The following CSTPP1 variants were observed in gnomAD, a reference collection of about 807,000 sequenced individuals.
CSTPP1 encodes centriolar satellite-associated tubulin polyglutamylase complex regulator 1.
At chr11:47,025,981 TAGAG>T in the CSTPP1 span, among the ~76,000 whole-genome samples, 3 of 151,934 alleles carry the variant, frequency 2.0e-5, no homozygotes, top group African/African-American at 4.8e-5. Flanking sequence ...GGTCTGGAGA[TAGAG>T]AGGAGGGGAA....
At chr11:47,042,712 A>G in the CSTPP1 span, among the ~76,000 whole-genome samples, 2 of 152,234 alleles carry the variant, frequency 1.3e-5, no homozygotes, top group African/African-American at 4.8e-5. Context: ...AAATCTGTTT[A>G]TGGCAGACAT....
chr11:47,004,744 A>C, the CSTPP1 span, among the ~76,000 whole-genome samples: 3 of 152,116 alleles, frequency 2.0e-5, no homozygotes, highest in Non-Finnish European at 4.4e-5. Context: ...ACTCTATCCA[A>C]CTTGTGTTGT....
chr11:47,099,625 T>C, the CSTPP1 span, among the ~76,000 whole-genome samples: 37,119 of 152,146 alleles, frequency 0.24, 5,249 homozygotes, highest in East Asian at 0.65. Context: ...GAAGGGGAAG[T>C]TGAACTGGGT....
At chr11:46,973,349 G>C in the CSTPP1 span, among the ~76,000 whole-genome samples, 1 of 152,188 alleles carries the variant, frequency 6.6e-6, no homozygotes, top group South Asian at 2.1e-4. Context: ...GAAAATATAT[G>C]GATGCTTTAT....
At chr11:47,006,947 C>T in the CSTPP1 span, among the ~76,000 whole-genome samples, 1 of 149,704 alleles carries the variant, frequency 6.7e-6, no homozygotes, top group African/African-American at 2.5e-5. Flanking sequence ...TAGACCTTTT[C>T]ATAGTATTCT....
At chr11:46,993,775 C>T in the CSTPP1 span, among the ~76,000 whole-genome samples, 1 of 152,050 alleles carries the variant, frequency 6.6e-6, no homozygotes, top group African/African-American at 2.4e-5. Flanking sequence ...TTTTTGGTTC[C>T]ATATGTACTT....
the CSTPP1 span, among the ~76,000 whole-genome samples, chr11:47,072,061 T>C: frequency 3.9e-5 from 6 of 152,354 alleles, no homozygotes; most frequent in East Asian, 1.2e-3. Flanking sequence ...GGACTGGGTG[T>C]GGCTGGTCTG....
the CSTPP1 span, chr11:46,936,918 A>C: frequency 1.2e-4 from 38 of 321,468 alleles, no homozygotes; most frequent in Admixed American, 9.1e-4. Flanking sequence ...GTCTGGGAGG[A>C]GGCGGGGGCG....
chr11:46,941,632 G>A, the CSTPP1 span, among the ~76,000 whole-genome samples: 3 of 152,140 alleles, frequency 2.0e-5, no homozygotes, highest in Admixed American at 6.5e-5. Context: ...GAGCCACCAC[G>A]CCTGGCCAAC....
the CSTPP1 span, among the ~76,000 whole-genome samples, chr11:47,096,271 A>C: frequency 6.6e-6 from 1 of 152,216 alleles, no homozygotes; most frequent in Admixed American, 6.5e-5. Context: ...ATTAAGTACA[A>C]CCATCACCAC....
the CSTPP1 span, among the ~76,000 whole-genome samples, chr11:47,122,091 A>AAAAAAAAAAAAAAATAT: frequency 6.3e-5 from 2 of 31,840 alleles, no homozygotes; most frequent in East Asian, 6.8e-4. Context: ...AAAAAAAAAA[A>AAAAAAAAAAAAAAATAT]ATATATATAT....
the CSTPP1 span, among the ~76,000 whole-genome samples, chr11:47,059,856 G>A: frequency 6.6e-6 from 1 of 152,148 alleles, no homozygotes; most frequent in Non-Finnish European, 1.5e-5. Flanking sequence ...TGTAATCCCA[G>A]CACTTTGAGA....
the CSTPP1 span, among the ~76,000 whole-genome samples, chr11:47,153,034 C>CG: frequency 6.6e-6 from 1 of 152,172 alleles, no homozygotes; most frequent in Non-Finnish European, 1.5e-5. Flanking sequence ...TGAGCGCTCC[C>CG]GGGGGAGCTC....
the CSTPP1 span, among the ~76,000 whole-genome samples, chr11:47,055,230 G>A: frequency 1.3e-5 from 2 of 152,026 alleles, no homozygotes; most frequent in Non-Finnish European, 2.9e-5. Flanking sequence ...ACCATGCCTG[G>A]TCTCCTACTT....
the CSTPP1 span, among the ~76,000 whole-genome samples, chr11:47,008,754 A>G: frequency 6.6e-6 from 1 of 152,138 alleles, no homozygotes; most frequent in Non-Finnish European, 1.5e-5. Flanking sequence ...AAAAATAAAC[A>G]TAAAAATTTC....
chr11:46,951,583 C>G, the CSTPP1 span, among the ~76,000 whole-genome samples: 1 of 152,022 alleles, frequency 6.6e-6, no homozygotes, highest in Non-Finnish European at 1.5e-5. Context: ...CCATACCCTG[C>G]CAGATTGTTT....
chr11:47,151,597 C>CA, the CSTPP1 span, among the ~76,000 whole-genome samples: 76 of 150,224 alleles, frequency 5.1e-4, no homozygotes, highest in South Asian at 1.7e-3. Flanking sequence ...CAGAGGGTGG[C>CA]GGGGGGAAGT....
At chr11:47,061,908 C>T in the CSTPP1 span, among the ~76,000 whole-genome samples, 2 of 152,082 alleles carry the variant, frequency 1.3e-5, no homozygotes, top group African/African-American at 2.4e-5. Context: ...AATCTTTCCC[C>T]CTATTTAATG....
the CSTPP1 span, chr11:47,161,516 A>G: frequency 6.2e-7 from 1 of 1,614,148 alleles, no homozygotes; most frequent in African/African-American, 1.3e-5. Context: ...TCCAGAGGCC[A>G]GTTGCCTGCC....
Sources: gnomAD v4.1 joint callset for allele counts (sites outside exome capture counted in the v4.1 genomes callset) on GRCh38, gnomAD v4.1.1 for gene constraint, MANE v1.5 for transcripts, NCBI Gene and HGNC (gene_info 2026-07-23, HGNC 2026-07-21) for gene names.